Variants in COL21A1 observed in about 807,000 individuals in gnomAD.
The protein encoded by COL21A1 is collagen type XXI alpha 1 chain, also known as collagen alpha-1(XXI) chain.
Under a neutral mutation model 137.9 loss-of-function variants are expected in COL21A1, and 149 were observed. That is an observed-to-expected ratio of 1.08 (90% CI 0.95 to 1.24). The LOEUF is 1.24. Among genes scored for constraint, COL21A1 ranks in the 50% most tolerant of loss-of-function variants. COL21A1 has a pLI of 0.00. For missense variants in COL21A1, 1,167 were observed against 1,158.4 expected (o/e 1.01, Z -0.11); for synonymous variants, 456 against 391.5 (o/e 1.16, Z -1.95).
At chr6:56,089,648 T>C (rs1033293855) in intron 17 of COL21A1, among the ~76,000 whole-genome samples, 7 of 152,238 alleles carry the variant, frequency 4.6e-5, no homozygotes, top group African/African-American at 1.4e-4. Context: ...ATATCCTGTA[T>C]ACATGGTAAG....
rs143414504 is a variant in COL21A1, at chr6:56,101,421, G to A, written c.1812+51C>T. On this transcript the variant is annotated intron_variant, in intron 17 of 29. Transcript: ENST00000244728. ...AATTTAAATAACCAAAAAGGATTTC[G>A]TAACAGGAAAAGAACTTCATCTTTT... 1.0e-3 allele frequency: 1,432 copies of A among 1,365,398 alleles called. 14 individuals carry two copies. In the African/African-American group the frequency reaches 0.013, roughly 13 times the overall value. The allele number at this position is 1,365,398 out of a possible 1,614,324, so 84.6% of individuals were successfully genotyped here. A position where few individuals can be genotyped will look rare whatever the true frequency, so the allele number is the denominator to read the frequency against.
chr6:56,246,166 T>C (rs895030893), intron 1 of COL21A1, among the ~76,000 whole-genome samples: 2 of 152,094 alleles, frequency 1.3e-5, no homozygotes, highest in Non-Finnish European at 2.9e-5. Context: ...TCCCTTTCAC[T>C]AAAGAGAATT....
At position 56,356,341 on chromosome 6, in the gene COL21A1, C is replaced by T. The variant is rs998716774; in HGVS notation, c.-39+37630G>A. On this transcript the variant is annotated intron_variant, in intron 1 of 28. Coordinates refer to the COL21A1 transcript ENST00000370819. ...GATCATTCCTGGTTGGGGGCGGGGACAGAGAGGCAGTGATTGTCCTGTGAA... is the reference window on the plus strand; with the variant it reads ...GATCATTCCTGGTTGGGGGCGGGGATAGAGAGGCAGTGATTGTCCTGTGAA... 3.9e-5 allele frequency among the ~76,000 whole-genome samples: 6 copies of T among 152,206 alleles called. No individual in the cohort carries two copies. The East Asian group carries it at 1.2e-3, about 29-fold the overall frequency.
At chr6:56,347,370 C>G (rs767343222) in intron 1 of COL21A1, among the ~76,000 whole-genome samples, 1 of 152,102 alleles carries the variant, frequency 6.6e-6, no homozygotes. Flanking sequence ...CAAGTCATTC[C>G]TGTCTGATCT....
chr6:56,290,517 T>TTTTTTTTTTA (rs57823142), intron 1 of COL21A1, among the ~76,000 whole-genome samples: 7 of 147,318 alleles, frequency 4.8e-5, no homozygotes, highest in South Asian at 4.3e-4. Flanking sequence ...TTTTTTTTTT[T>TTTTTTTTTTA]GAGACGAAGT....
intron 1 of COL21A1, among the ~76,000 whole-genome samples, chr6:56,185,426 C>CTTTTTTTTTTTTT (rs777045553): frequency 1.0e-5 from 1 of 100,158 alleles, no homozygotes; most frequent in Non-Finnish European, 1.9e-5. Context: ...AATGAACAGT[C>CTTTTTTTTTTTTT]TTTTTTTTTT....
At chr6:56,218,968 G>A (rs571453701) in intron 1 of COL21A1, among the ~76,000 whole-genome samples, 34 of 152,060 alleles carry the variant, frequency 2.2e-4, no homozygotes, top group South Asian at 6.2e-4. Flanking sequence ...ATGGTCGTTC[G>A]GCATTTGAAG....
intron 1 of COL21A1, among the ~76,000 whole-genome samples, chr6:56,271,426 C>T (rs1763522815): frequency 6.6e-6 from 1 of 152,124 alleles, no homozygotes; most frequent in Non-Finnish European, 1.5e-5. Context: ...ATTATGAAAG[C>T]ATTCAGTTAT....
chr6:56,190,171 A>C (rs1277494419), intron 1 of COL21A1, among the ~76,000 whole-genome samples: 1 of 152,190 alleles, frequency 6.6e-6, no homozygotes, highest in South Asian at 2.1e-4. Context: ...TTTTGAAAAG[A>C]TCAACAAAAT....
At position 56,097,988 on chromosome 6, in the gene COL21A1, TATATGTAA is replaced by T. The variant is rs1562189106; in HGVS notation, c.1812+3476_1812+3483del. Among the ~76,000 whole-genome samples, 140 of 50,214 alleles carry T rather than the reference TATATGTAA, an allele frequency of 2.8e-3. 4 individuals are homozygous for T. The highest frequency in any genetic ancestry group is 0.011 in the African/African-American group (102 of 9,522). 32.9% of individuals were successfully genotyped at this position (50,214 alleles called of 152,430 possible). On this transcript the variant is annotated intron_variant, in intron 17 of 29. Coordinates refer to ENST00000244728, the MANE Select transcript of COL21A1 (RefSeq NM_030820.4). ...ATAAATATATAAATATATATAAATATATATGTAAATATATAAATATATAAATATATATA... is the reference window on the plus strand; with the variant it reads ...ATAAATATATAAATATATATAAATATATATATAAATATATAAATATATATA...
chr6:56,136,476 T>A (rs1436773376), intron 12 of COL21A1, among the ~76,000 whole-genome samples: 1 of 152,154 alleles, frequency 6.6e-6, no homozygotes, highest in Non-Finnish European at 1.5e-5. Flanking sequence ...AGTTTACAAG[T>A]GATTAAAGTC....
chr6:56,217,971 A>G (rs570132192), intron 1 of COL21A1, among the ~76,000 whole-genome samples: 2 of 152,256 alleles, frequency 1.3e-5, no homozygotes, highest in African/African-American at 4.8e-5. Flanking sequence ...TCTGTCTCAC[A>G]TGAGAATGAC....
rs1779262521 is a variant in COL21A1 at position 56,199,862 on chromosome 6, A to G, written c.-38-17206T>C. 2.6e-5 allele frequency among the ~76,000 whole-genome samples: 4 copies of G among 152,296 alleles called. No homozygotes were observed. The South Asian group carries it at 8.3e-4, about 32-fold the overall frequency. On this transcript the variant is annotated intron_variant, in intron 1 of 29. Transcript: ENST00000244728. Reference sequence around the variant, plus strand: ...TAGGTGCTGGGAATTCAGAGGTGACAAAACTAAATAAGGAATCTGCTTCCA... The same window carrying G: ...TAGGTGCTGGGAATTCAGAGGTGACGAAACTAAATAAGGAATCTGCTTCCA...
chr6:56,126,016 CAT>C (rs1773026205), intron 13 of COL21A1, 78 bp downstream of exon 13: 2 of 751,836 alleles, frequency 2.7e-6, no homozygotes, highest in African/African-American at 1.8e-5. Context: ...TTATTTATAA[CAT>C]ATTTGTAATA....
At chr6:56,164,786 TA>T in intron 8 of COL21A1, 27 bp downstream of exon 8, 1 of 1,556,780 alleles carries the variant, frequency 6.4e-7, no homozygotes, top group Admixed American at 1.9e-5. Context: ...AATATTACCT[TA>T]AGGGGAACAA....
At chr6:56,239,815 C>CT (rs1214624860) in intron 1 of COL21A1, among the ~76,000 whole-genome samples, 1 of 152,084 alleles carries the variant, frequency 6.6e-6, no homozygotes, top group Non-Finnish European at 1.5e-5. Context: ...GCGGTGAGGC[C>CT]TTTAGGAGGT....
intron 9 of COL21A1, among the ~76,000 whole-genome samples, chr6:56,157,649 T>A (rs1180306244): frequency 2.6e-5 from 4 of 152,140 alleles, no homozygotes; most frequent in Admixed American, 2.6e-4. Flanking sequence ...GATATCGATG[T>A]CCTATAATAC....
At chr6:56,096,418 T>C (rs62404893) in intron 17 of COL21A1, among the ~76,000 whole-genome samples, 23,126 of 152,206 alleles carry the variant, frequency 0.15, 1,782 homozygotes, top group Middle Eastern at 0.22. Context: ...TCTTTAAACA[T>C]AGCAATTCAT....
intron 12 of COL21A1, among the ~76,000 whole-genome samples, chr6:56,135,045 C>T (rs1773878031): frequency 6.6e-6 from 1 of 151,674 alleles, no homozygotes; most frequent in African/African-American, 2.4e-5. Context: ...AATAAAATTA[C>T]AAAAATAAAA....
Sources: gnomAD v4.1 joint callset for allele counts (sites outside exome capture counted in the v4.1 genomes callset) on GRCh38, gnomAD v4.1.1 for gene constraint, MANE v1.5 for transcripts, NCBI Gene and HGNC (gene_info 2026-07-23, HGNC 2026-07-21) for gene names.